Variants in NLRP2 observed in about 807,000 individuals in gnomAD.
NLRP2 encodes the protein NLR family pyrin domain containing 2.
In NLRP2, 107 loss-of-function variants were observed where a neutral mutation model predicts 97.2. The observed-to-expected ratio is 1.10, with a 90% CI of 0.94 to 1.29. The LOEUF is 1.29. Ranked by LOEUF, NLRP2 falls within the 50% of genes most tolerant of loss-of-function variation. The pLI, the probability that NLRP2 is intolerant of heterozygous loss-of-function variation, is 0.00. For missense variants in NLRP2, 1,495 were observed against 1,330.3 expected (o/e 1.12, Z -1.93); for synonymous variants, 663 against 551.5 (o/e 1.20, Z -2.83).
chr19:54,992,334 T>G (rs2072527424), intron 10 of NLRP2, among the ~76,000 whole-genome samples: 1 of 152,004 alleles, frequency 6.6e-6, no homozygotes, highest in African/African-American at 2.4e-5. Flanking sequence ...CACTTAAATT[T>G]AATGACATAT....
chr19:54,986,430 A>G, intron 8 of NLRP2, 115 bp downstream of exon 8: 1 of 910,716 alleles, frequency 1.1e-6, no homozygotes, highest in Non-Finnish European at 1.8e-6. Flanking sequence ...AAACAGTACT[A>G]AGGGCAGATG....
chr19:54,998,631 CTT>C (rs1179005483), intron 12 of NLRP2, among the ~76,000 whole-genome samples: 917 of 61,148 alleles, frequency 0.015, 22 homozygotes, highest in African/African-American at 0.063. Flanking sequence ...TTTTTTTTTC[CTT>C]TTTTTTTTTT....
rs767232387 is a variant in NLRP2 at position 54,983,627 on chromosome 19, C to T, written c.1929C>T (p.Cys643=). Residue 643 remains cysteine, a synonymous_variant, in exon 6 of 13, where the codon TGC becomes TGT. Transcript: ENST00000448584. ...TAGACGTTGTGCCATCTTCATTCTG[C>T]GTCAAGCACTGTCGAAACCTGCAGA... ...NAVDVVPSSF[C]VKHCRNLQKM... 18 of 1,614,002 alleles carry T rather than the reference C, an allele frequency of 1.1e-5. No homozygotes were observed. The highest frequency in any genetic ancestry group is 1.1e-5 in the Non-Finnish European group (13 of 1,180,036).
chr19:54,969,919 G>T, intron 1 of NLRP2, 80 bp from the exon 2 acceptor site: 1 of 1,402,014 alleles, frequency 7.1e-7, no homozygotes, highest in Non-Finnish European at 1.0e-6. Context: ...GTCCTTGTTC[G>T]TGGCACAGCA....
intron 6 of NLRP2, among the ~76,000 whole-genome samples, chr19:54,984,329 G>GGTTTTTTTTTTTTTTTTTTTTTT (rs1329961462): frequency 1.5e-4 from 12 of 79,674 alleles, no homozygotes; most frequent in Non-Finnish European, 1.8e-4. Flanking sequence ...TTTTTTTTGT[G>GGTTTTTTTTTTTTTTTTTTTTTT]TTTTTTTTTT....
chr19:54,990,831 A>G (rs892917717), intron 10 of NLRP2, 159 bp downstream of exon 10: 2 of 743,834 alleles, frequency 2.7e-6, no homozygotes. Context: ...ATGGTAGGAA[A>G]AAAGTATAAG....
chr19:54,976,040 C>T (rs917856013), intron 3 of NLRP2, among the ~76,000 whole-genome samples: 3 of 147,948 alleles, frequency 2.0e-5, no homozygotes, highest in African/African-American at 7.4e-5. Context: ...TGATTCACCA[C>T]ACCTGGCCAT....
At chr19:54,997,757 C>CA (rs2072915432) in intron 12 of NLRP2, among the ~76,000 whole-genome samples, 1 of 143,540 alleles carries the variant, frequency 7.0e-6, no homozygotes, top group South Asian at 2.2e-4. Flanking sequence ...ACCCGGCCAC[C>CA]TTTTTTTTTT....
Position 54,982,740 on chromosome 19 carries a change from G to T in NLRP2, c.1042G>T (p.Ala348Ser). ...PRALRDLRIL[A>S]EEPIYIRVEG... ...GGCCCTGAGGGACCTCCGGATCCTGGCGGAGGAGCCGATCTACATAAGGGT... is the reference window on the plus strand; with the variant it reads ...GGCCCTGAGGGACCTCCGGATCCTGTCGGAGGAGCCGATCTACATAAGGGT... The change falls in exon 6 of 13, where the codon GCG (alanine) becomes TCG (serine). Residue 348 changes from alanine (A) to serine (S), a missense_variant. Transcript: ENST00000448584. 5 of 1,614,130 alleles carry T rather than the reference G, an allele frequency of 3.1e-6. No homozygotes were observed. The highest frequency in any genetic ancestry group is 4.2e-6 in the Non-Finnish European group (5 of 1,179,996).
intron 2 of NLRP2, among the ~76,000 whole-genome samples, chr19:54,970,770 CTTTTT>C (rs34406686): frequency 2.2e-4 from 24 of 108,474 alleles, no homozygotes; most frequent in African/African-American, 8.0e-4. Context: ...CTACCTACTT[CTTTTT>C]TTTTTTTTTT....
intron 1 of NLRP2, among the ~76,000 whole-genome samples, chr19:54,969,650 C>G (rs894747063): frequency 6.6e-6 from 1 of 152,108 alleles, no homozygotes; most frequent in Non-Finnish European, 1.5e-5. Context: ...GTGAAACTAT[C>G]TCAAAAATAA....
chr19:54,998,631 C>CTTTTTT (rs1179005483), intron 12 of NLRP2, among the ~76,000 whole-genome samples: 15 of 61,132 alleles, frequency 2.5e-4, no homozygotes, highest in East Asian at 4.8e-4. Flanking sequence ...TTTTTTTTTC[C>CTTTTTT]TTTTTTTTTT....
Position 54,979,756 on chromosome 19 carries a change from G to A in NLRP2, c.398-1861G>A, listed in dbSNP as rs142801984. ...TTGCCCTGTTCATCTCTCTAGACAC[G>A]GCCAATGTCATTCCTGGCACACAAT... On this transcript the variant is annotated intron_variant, in intron 4 of 12. Coordinates refer to ENST00000448584, the MANE Select transcript of NLRP2 (RefSeq NM_017852.5). 4.1e-4 allele frequency among the ~76,000 whole-genome samples: 63 copies of A among 152,120 alleles called. 1 individual carries two copies. In the Middle Eastern group the frequency reaches 0.014, roughly 33 times the overall value.
chr19:54,993,988 C>T, intron 10 of NLRP2: 1 of 531,656 alleles, frequency 1.9e-6, no homozygotes. Flanking sequence ...TTATGAGGAT[C>T]CCTGTGATTG....
chr19:55,000,608 AAAT>A (rs2073133474), intron 12 of NLRP2, 149 bp from the exon 13 acceptor site: 5 of 737,032 alleles, frequency 6.8e-6, no homozygotes, highest in East Asian at 2.7e-5. Flanking sequence ...AAAAAAAAAA[AAAT>A]CAATGTGGAA....
At position 55,000,902 on chromosome 19, in the gene NLRP2, C is replaced by T. The variant is rs772988984; in HGVS notation, c.*4C>T. On this transcript the variant is annotated 3_prime_UTR_variant, in exon 13 of 13. Coordinates refer to ENST00000448584, the MANE Select transcript of NLRP2 (RefSeq NM_017852.5). The stretch of plus-strand genomic sequence containing the variant: ...TTCTCATGACTTCATGATCTGAATC[C>T]CCCCGAGTCATTCATTCTCCATGAA... 2 of 1,613,384 alleles carry T rather than the reference C, an allele frequency of 1.2e-6. No homozygotes were observed. Among genetic ancestry groups the T allele is most frequent in the South Asian group, 2.2e-5 (2 of 91,066 alleles).
chr19:54,999,201 G>A (rs1208657349), intron 12 of NLRP2, among the ~76,000 whole-genome samples: 1 of 152,110 alleles, frequency 6.6e-6, no homozygotes, highest in African/African-American at 2.4e-5. Context: ...AGCCTGGAGC[G>A]CAATGGCGCT....
intron 3 of NLRP2, among the ~76,000 whole-genome samples, chr19:54,976,344 C>T (rs2071227394): frequency 2.6e-5 from 4 of 151,494 alleles, no homozygotes; most frequent in Non-Finnish European, 5.9e-5. Flanking sequence ...TGAGTCACTG[C>T]GCCTGGTCTC....
chr19:54,993,250 T>C (rs1313979595), intron 10 of NLRP2: 1 of 147,298 alleles, frequency 6.8e-6, no homozygotes, highest in African/African-American at 2.5e-5. Context: ...TATACATTCA[T>C]AAAGTTTCAA....
Sources: gnomAD v4.1 joint callset for allele counts (sites outside exome capture counted in the v4.1 genomes callset) on GRCh38, gnomAD v4.1.1 for gene constraint, MANE v1.5 for transcripts, NCBI Gene and HGNC (gene_info 2026-07-23, HGNC 2026-07-21) for gene names.